The following HAPLN1 variants were observed in gnomAD, a reference collection of about 807,000 sequenced individuals.
The protein encoded by HAPLN1 is hyaluronan and proteoglycan link protein 1, also known as Cartilage link protein.
HAPLN1 carries 13 observed loss-of-function variants against 36.5 expected under a neutral mutation model. The ratio of observed to expected loss-of-function variants is 0.36; its 90% CI spans 0.23 to 0.57. The LOEUF (loss-of-function observed/expected upper bound fraction) is 0.57. HAPLN1 is among the 20% of genes least tolerant of loss of function. The probability of loss-of-function intolerance (pLI) is 0.83; values close to 1 mark genes in which losing one functional copy is unlikely to be tolerated. For synonymous variants in HAPLN1, 202 were observed against 169.8 expected, an observed-to-expected ratio of 1.19 and a Z score of -1.48; for missense variants, 407 against 439.7, an observed-to-expected ratio of 0.93 and a Z score of 0.66.
At chr5:83,672,328 T>C (rs947685749) in intron 2 of HAPLN1, among the ~76,000 whole-genome samples, 2 of 152,214 alleles carry the variant, frequency 1.3e-5, no homozygotes, top group Non-Finnish European at 2.9e-5. Context: ...GAAACAGCTC[T>C]GATTCTACTA....
At chr5:83,641,826 A>G (rs746894458) in intron 4 of HAPLN1, 41 bp from the exon 5 acceptor site, 17 of 1,588,232 alleles carry the variant, frequency 1.1e-5, no homozygotes, top group Middle Eastern at 1.8e-4. Flanking sequence ...CTGGTCTTCA[A>G]TTGAGCCACA....
intron 1 of HAPLN1, chr5:83,685,753 C>A (rs904842771): frequency 6.6e-6 from 1 of 152,140 alleles, no homozygotes; most frequent in African/African-American, 2.4e-5. Flanking sequence ...CTAGAGGTAA[C>A]TGGAGTTGTC....
chr5:83,702,060 G>A (rs1159141609), intron 1 of HAPLN1, among the ~76,000 whole-genome samples: 5 of 152,142 alleles, frequency 3.3e-5, no homozygotes, highest in Non-Finnish European at 7.3e-5. Context: ...TTACCGGGAG[G>A]AAGTGTTACA....
intron 1 of HAPLN1, among the ~76,000 whole-genome samples, chr5:83,696,167 C>T (rs1469080209): frequency 6.6e-6 from 1 of 151,782 alleles, no homozygotes; most frequent in Non-Finnish European, 1.5e-5. Context: ...ATACCATATA[C>T]CAAAGCATAA....
intron 1 of HAPLN1, among the ~76,000 whole-genome samples, chr5:83,706,319 G>C (rs1393048973): frequency 6.6e-6 from 1 of 152,090 alleles, no homozygotes; most frequent in Admixed American, 6.6e-5. Context: ...GAACATTGAT[G>C]CAAAAATCCC....
At chr5:83,685,432 T>C (rs549475806) in intron 1 of HAPLN1, among the ~76,000 whole-genome samples, 2 of 152,288 alleles carry the variant, frequency 1.3e-5, no homozygotes, top group Admixed American at 6.5e-5. Context: ...CCTGTAAAAC[T>C]ATATGCTGCA....
chr5:83,686,434 A>G (rs1751128473), intron 1 of HAPLN1, among the ~76,000 whole-genome samples: 1 of 152,162 alleles, frequency 6.6e-6, no homozygotes, highest in African/African-American at 2.4e-5. Context: ...GCTTATGGAA[A>G]CTTCCTTTGG....
At chr5:83,652,963 T>C in intron 2 of HAPLN1, 139 bp from the exon 3 acceptor site, 1 of 823,372 alleles carries the variant, frequency 1.2e-6, no homozygotes, top group Non-Finnish European at 1.8e-6. Flanking sequence ...GTAATCTCTT[T>C]TGAACCATAT....
chr5:83,720,202 A>G (rs368730881), intron 1 of HAPLN1, among the ~76,000 whole-genome samples: 2 of 152,198 alleles, frequency 1.3e-5, no homozygotes, highest in East Asian at 3.8e-4. Context: ...ATCCATCAAC[A>G]TCATTGTATA....
At chr5:83,644,094 C>G (rs1749782170) in intron 4 of HAPLN1, among the ~76,000 whole-genome samples, 1 of 152,138 alleles carries the variant, frequency 6.6e-6, no homozygotes. Context: ...TAACAGACCT[C>G]AAGCCACATA....
chr5:83,716,140 A>G (rs1041539022), intron 1 of HAPLN1, among the ~76,000 whole-genome samples: 2 of 152,240 alleles, frequency 1.3e-5, no homozygotes, highest in Non-Finnish European at 2.9e-5. Flanking sequence ...GTATGAATGA[A>G]GACAAAACCA....
At chr5:83,705,070 T>C (rs939903469) in intron 1 of HAPLN1, among the ~76,000 whole-genome samples, 1 of 152,084 alleles carries the variant, frequency 6.6e-6, no homozygotes, top group Non-Finnish European at 1.5e-5. Context: ...CAGACGATAT[T>C]GCAATAAATA....
chr5:83,648,283 A>AT (rs200860220), intron 3 of HAPLN1, among the ~76,000 whole-genome samples: 90 of 143,268 alleles, frequency 6.3e-4, no homozygotes, highest in Admixed American at 1.6e-3. Flanking sequence ...AGGATTTACA[A>AT]TTTTTTTTTT....
At chr5:83,699,877 A>G (rs767626496) in intron 1 of HAPLN1, among the ~76,000 whole-genome samples, 4 of 152,188 alleles carry the variant, frequency 2.6e-5, no homozygotes, top group Non-Finnish European at 4.4e-5. Context: ...CAGAGTACCA[A>G]AATGCTTCCT....
chr5:83,689,221 G>C (rs960270556), intron 1 of HAPLN1, among the ~76,000 whole-genome samples: 2 of 152,072 alleles, frequency 1.3e-5, no homozygotes, highest in South Asian at 2.1e-4. Context: ...AGGGTGAGGA[G>C]CGTTAGGGAT....
At chr5:83,690,962 T>C (rs1326874483) in intron 1 of HAPLN1, among the ~76,000 whole-genome samples, 1 of 152,066 alleles carries the variant, frequency 6.6e-6, no homozygotes, top group Admixed American at 6.6e-5. Context: ...CTTCTGTTTC[T>C]GATCAAGATG....
At position 83,641,377 on chromosome 5, in the gene HAPLN1, A is replaced by T; in HGVS notation, c.*119T>A. 1.2e-6 allele frequency: 1 copy of T among 822,182 alleles called. No homozygotes were observed. Among genetic ancestry groups the T allele is most frequent in the Non-Finnish European group, 1.9e-6 (1 of 535,346 alleles). 50.9% of individuals were successfully genotyped at this position (822,182 alleles called of 1,614,324 possible). On this transcript the variant is annotated 3_prime_UTR_variant, in exon 5 of 5. Transcript: ENST00000274341. ...TTGATCTTTATGAAAATGACTCTTT[A>T]CAGTAAGTAAAAAAGGGTTATCACA...
intron 1 of HAPLN1, among the ~76,000 whole-genome samples, chr5:83,719,194 A>C (rs1326307938): frequency 6.6e-6 from 1 of 152,228 alleles, no homozygotes; most frequent in Non-Finnish European, 1.5e-5. Flanking sequence ...GCCTTGCTGA[A>C]AATAAATGGC....
At chr5:83,666,369 A>T (rs961007639) in intron 2 of HAPLN1, among the ~76,000 whole-genome samples, 9 of 152,116 alleles carry the variant, frequency 5.9e-5, no homozygotes, top group Non-Finnish European at 1.3e-4. Flanking sequence ...TCACTATTTA[A>T]TAGGATTTTC....
Sources: allele counts gnomAD v4.1 joint callset (sites outside exome capture counted in the v4.1 genomes callset), GRCh38; gene constraint gnomAD v4.1.1; transcripts MANE v1.5; gene names NCBI Gene and HGNC (gene_info 2026-07-23, HGNC 2026-07-21).